The following BRCA2 variants were observed in gnomAD, a reference collection of about 807,000 sequenced individuals.
The protein encoded by BRCA2 is BRCA2 DNA repair associated.
A neutral mutation model predicts 276.7 loss-of-function variants in BRCA2; 203 were observed. The observed-to-expected ratio is 0.73, with a 90% CI of 0.65 to 0.82. The LOEUF is 0.82. BRCA2 is among the 40% of genes least tolerant of loss of function. BRCA2 has a pLI of 0.00. For missense variants in BRCA2, 3,920 were observed against 3,915.0 expected (o/e 1.00, Z -0.03); for synonymous variants, 1,289 against 1,338.4 (o/e 0.96, Z 0.81).
chr13:32,332,910 A>T lies in BRCA2; in HGVS notation c.1432A>T (p.Thr478Ser), dbSNP rs2137471409. Reference protein sequence around the residue: ...RDEEQHLESHTDCILAVKQAI... With the variant: ...RDEEQHLESHSDCILAVKQAI... The stretch of plus-strand genomic sequence containing the variant: ...TGAAGAGCAGCATCTTGAATCTCAT[A>T]CAGACTGCATTCTTGCAGTAAAGCA... Residue 478 changes from threonine (T) to serine (S), a missense_variant, in exon 10 of 27, where the codon ACA becomes TCA. Transcript: ENST00000380152. 6.2e-7 allele frequency: 1 copy of T among 1,610,346 alleles called. No homozygotes were observed. Among genetic ancestry groups the T allele is most frequent in the Non-Finnish European group, 8.5e-7 (1 of 1,179,210 alleles).
chr13:32,358,952 T>A (rs2072720227), intron 16 of BRCA2, among the ~76,000 whole-genome samples: 1 of 148,066 alleles, frequency 6.8e-6, no homozygotes, highest in Non-Finnish European at 1.5e-5. Flanking sequence ...CCAGGTGCGG[T>A]GGCTCACACC....
chr13:32,350,018 C>G (rs1202423218), intron 13 of BRCA2, among the ~76,000 whole-genome samples: 1 of 152,120 alleles, frequency 6.6e-6, no homozygotes, highest in South Asian at 2.1e-4. Context: ...GGGATCTCCC[C>G]TCACCAAGCC....
intron 1 of BRCA2, among the ~76,000 whole-genome samples, chr13:32,316,159 T>C (rs1010937150): frequency 2.0e-5 from 3 of 152,186 alleles, no homozygotes; most frequent in African/African-American, 7.2e-5. Context: ...GCGTCACTGG[T>C]TAGCGTGATT....
chr13:32,357,100 A>G (rs1394024732), intron 15 of BRCA2, among the ~76,000 whole-genome samples: 3 of 152,236 alleles, frequency 2.0e-5, no homozygotes, highest in African/African-American at 7.2e-5. Flanking sequence ...CTTCACATGC[A>G]TTAGGTATAT....
At chr13:32,334,799 T>C (rs1430157198) in intron 10 of BRCA2, among the ~76,000 whole-genome samples, 1 of 152,242 alleles carries the variant, frequency 6.6e-6, no homozygotes, top group Non-Finnish European at 1.5e-5. Flanking sequence ...ATTTTAAAGA[T>C]TGCATACTGT....
chr13:32,370,383 T>C lies in BRCA2; in HGVS notation c.8332-19T>C, dbSNP rs948252299. 2 of 1,599,310 alleles carry C rather than the reference T, an allele frequency of 1.3e-6. No homozygotes were observed. The highest frequency in any genetic ancestry group is 2.7e-5 in the African/African-American group (2 of 74,608). Reference sequence around the variant, plus strand: ...TACATATTTAACTACTAAATCAATATATTTATTAATTTGTCCAGATTTCTG... The same window carrying C: ...TACATATTTAACTACTAAATCAATACATTTATTAATTTGTCCAGATTTCTG... On this transcript the variant is annotated intron_variant, in intron 18 of 26. Transcript: ENST00000380152.
chr13:32,322,492 G>T (rs1436300762), intron 3 of BRCA2, among the ~76,000 whole-genome samples: 1 of 152,184 alleles, frequency 6.6e-6, no homozygotes, highest in Admixed American at 6.5e-5. Flanking sequence ...AAAGGGATGG[G>T]TCTGGCTAGT....
intron 16 of BRCA2, among the ~76,000 whole-genome samples, chr13:32,358,888 C>T (rs2072719706): frequency 6.7e-6 from 1 of 150,196 alleles, no homozygotes; most frequent in Non-Finnish European, 1.5e-5. Flanking sequence ...GAGCCAAGAT[C>T]ACGCCACTGC....
intron 3 of BRCA2, among the ~76,000 whole-genome samples, chr13:32,320,736 G>T (rs2072301172): frequency 6.6e-6 from 1 of 152,210 alleles, no homozygotes; most frequent in Non-Finnish European, 1.5e-5. Context: ...TATGTTATTG[G>T]ATACCAAATG....
At chr13:32,365,442 G>A (rs1367478165) in intron 18 of BRCA2, among the ~76,000 whole-genome samples, 1 of 152,022 alleles carries the variant, frequency 6.6e-6, no homozygotes, top group Admixed American at 6.6e-5. Context: ...GTGCAATGGC[G>A]TGACCTCTGC....
chr13:32,386,414 A>C (rs1156362129), intron 24 of BRCA2, among the ~76,000 whole-genome samples: 1 of 152,184 alleles, frequency 6.6e-6, no homozygotes, highest in African/African-American at 2.4e-5. Flanking sequence ...TCTCAAAATA[A>C]AGAAAAAATG....
At chr13:32,343,886 T>G (rs2072591030) in intron 11 of BRCA2, among the ~76,000 whole-genome samples, 1 of 152,122 alleles carries the variant, frequency 6.6e-6, no homozygotes, top group Non-Finnish European at 1.5e-5. Flanking sequence ...CCTAAAGCCT[T>G]GCATGGACAT....
chr13:32,370,565 G>T lies in BRCA2; in HGVS notation c.8487+8G>T, dbSNP rs81002838. Reference sequence around the variant, plus strand: ...AGAGCATACCCTATACAGGTATGATGTATTCTTGAAACTTACCATATATTT... The same window carrying T: ...AGAGCATACCCTATACAGGTATGATTTATTCTTGAAACTTACCATATATTT... On this transcript the variant is annotated splice_region_variant and intron_variant, in intron 19 of 26. Coordinates refer to ENST00000380152, the MANE Select transcript of BRCA2 (RefSeq NM_000059.4). 1.2e-6 allele frequency: 2 copies of T among 1,604,880 alleles called. No homozygotes were observed. Among genetic ancestry groups the T allele is most frequent in the African/African-American group, 2.7e-5 (2 of 74,672 alleles).
At position 32,356,664 on chromosome 13, in the gene BRCA2, C is replaced by A. The variant is rs1566242262; in HGVS notation, c.7617+55C>A. 3.8e-6 allele frequency: 6 copies of A among 1,560,324 alleles called. No individual in the cohort carries two copies. The East Asian group carries it at 1.3e-4, about 35-fold the overall frequency. ...TTTATGACAGAGTGTAATTTTATTT[C>A]ATTAACTAGTATCTACAAATGGCTT... On this transcript the variant is annotated intron_variant, in intron 15 of 26. Coordinates refer to ENST00000380152, the MANE Select transcript of BRCA2 (RefSeq NM_000059.4).
rs397507827 is a variant in BRCA2 at position 32,340,437 on chromosome 13, G to T, written c.6082G>T (p.Glu2028Ter). 1 of 1,613,858 alleles carries T rather than the reference G, an allele frequency of 6.2e-7. No homozygotes were observed. The highest frequency in any genetic ancestry group is 1.1e-5 in the South Asian group (1 of 91,072). The change falls in exon 11 of 27, where the codon GAA becomes TAA. Residue 2028 changes from glutamate to a stop codon, truncating the protein, a stop_gained. Coordinates refer to ENST00000380152, the MANE Select transcript of BRCA2 (RefSeq NM_000059.4). LOFTEE classifies it high-confidence loss of function. ...CGAACATTCAGACCAGCTCACAAGA[G>T]AAGAAAATACTGCTATACGTACTCC... ...SNEHSDQLTREENTAIRTPEH... is the reference protein window; with the variant it reads ...SNEHSDQLTR
At chr13:32,363,756 A>C (rs1428855132) in intron 18 of BRCA2, among the ~76,000 whole-genome samples, 1 of 152,238 alleles carries the variant, frequency 6.6e-6, no homozygotes, top group Non-Finnish European at 1.5e-5. Flanking sequence ...CCAATTAAAA[A>C]GCAAAATAAA....
chr13:32,383,540 G>A (rs1225308010), intron 24 of BRCA2, among the ~76,000 whole-genome samples: 2 of 152,190 alleles, frequency 1.3e-5, no homozygotes, highest in African/African-American at 2.4e-5. Flanking sequence ...GTTCAGCTCT[G>A]ATGGTGTGGG....
rs587776471 is a variant in BRCA2, at chr13:32,363,270, G to A, written c.8068G>A (p.Val2690Ile). Residue 2690 changes from valine to isoleucine, a missense_variant, in exon 18 of 27, where the codon GTT becomes ATT. By Grantham distance (29) the Val-to-Ile change is conservative. Transcript: ENST00000380152. Reference protein sequence around the residue: ...DTAAKTLVLCVSDIISLSANI... With the variant: ...DTAAKTLVLCISDIISLSANI... ...AGCTGCAAAAACACTTGTTCTCTGT[G>A]TTTCTGACATAATTTCATTGAGCGC... 2.5e-6 allele frequency: 4 copies of A among 1,614,112 alleles called. No homozygotes were observed. The highest frequency in any genetic ancestry group is 1.7e-5 in the Admixed American group (1 of 60,020).
rs1296180766 is a variant in BRCA2, at chr13:32,350,771, TAAAAA to T, written c.7007+3878_7007+3882del. Among the ~76,000 whole-genome samples, 5 of 151,448 alleles carry T rather than the reference TAAAAA, an allele frequency of 3.3e-5. No homozygotes were observed. In the East Asian group the frequency reaches 9.7e-4, roughly 29 times the overall value. On this transcript the variant is annotated intron_variant, in intron 13 of 26. Coordinates refer to ENST00000380152, the MANE Select transcript of BRCA2 (RefSeq NM_000059.4). ...CCGTCTCAAAAAAAAAACAACAAAA[TAAAAA>T]AATAAAATAAAATATACTGCCTATT...
Sources: gnomAD v4.1 joint callset for allele counts (sites outside exome capture counted in the v4.1 genomes callset) on GRCh38, gnomAD v4.1.1 for gene constraint, MANE v1.5 for transcripts, NCBI Gene and HGNC (gene_info 2026-07-23, HGNC 2026-07-21) for gene names.